CLTA: variants seen among roughly 807,000 people sequenced by gnomAD.
CLTA encodes the protein clathrin, light polypeptide (Lca).
In CLTA, 9 loss-of-function variants were observed where a neutral mutation model predicts 26.9. The ratio of observed to expected loss-of-function variants is 0.33; its 90% CI spans 0.20 to 0.58. CLTA has a LOEUF of 0.58. Among genes scored for constraint, CLTA ranks in the 20% least tolerant of loss-of-function variants. The pLI is 0.85. For missense variants in CLTA, 278 were observed against 294.2 expected, an observed-to-expected ratio of 0.94 and a Z score of 0.40; for synonymous variants, 120 against 115.5, an observed-to-expected ratio of 1.04 and a Z score of -0.25.
intron 3 of CLTA, among the ~76,000 whole-genome samples, chr9:36,199,374 T>C (rs745813736): frequency 6.6e-6 from 1 of 151,948 alleles, no homozygotes; most frequent in Non-Finnish European, 1.5e-5. Context: ...GTGGTGTTTA[T>C]AGAGTGCTTT....
intron 4 of CLTA, among the ~76,000 whole-genome samples, chr9:36,209,798 A>G (rs999022586): frequency 5.3e-5 from 8 of 152,170 alleles, no homozygotes; most frequent in African/African-American, 1.9e-4. Context: ...CATTTTCCAT[A>G]CTTGGTTCAT....
chr9:36,198,868 C>CT, intron 2 of CLTA, 111 bp from the exon 3 acceptor site: 2 of 638,164 alleles, frequency 3.1e-6, no homozygotes, highest in South Asian at 1.7e-5. Context: ...AGTGAAAACT[C>CT]TGTCTCAAAA....
At chr9:36,193,597 T>G (rs754953275) in intron 1 of CLTA, among the ~76,000 whole-genome samples, 4 of 151,554 alleles carry the variant, frequency 2.6e-5, no homozygotes, top group Non-Finnish European at 5.9e-5. Context: ...TACAAGGCCT[T>G]TAGGCTTTGA....
At chr9:36,197,985 A>C (rs1050536880) in intron 2 of CLTA, among the ~76,000 whole-genome samples, 1 of 141,314 alleles carries the variant, frequency 7.1e-6, no homozygotes, top group Non-Finnish European at 1.5e-5. Flanking sequence ...AAAGATTAAC[A>C]TTTATTTGAG....
At chr9:36,198,848 T>C (rs2772223) in intron 2 of CLTA, 131 bp from the exon 3 acceptor site, 419,201 of 541,238 alleles carry the variant, frequency 0.77, 165,783 homozygotes, top group African/African-American at 0.87. Context: ...ACTCCAGCCT[T>C]GGCGACAAGA....
At chr9:36,191,827 G>A (rs1826743802) in intron 1 of CLTA, among the ~76,000 whole-genome samples, 1 of 152,184 alleles carries the variant, frequency 6.6e-6, no homozygotes, top group Non-Finnish European at 1.5e-5. Flanking sequence ...ATCTAGGTCT[G>A]GAGAAAGAAC....
At chr9:36,203,443 A>G (rs1442271266) in intron 3 of CLTA, among the ~76,000 whole-genome samples, 1 of 152,168 alleles carries the variant, frequency 6.6e-6, no homozygotes, top group East Asian at 1.9e-4. Context: ...CTCTAGTGCT[A>G]ATATTCTGTG....
intron 3 of CLTA, 149 bp from the exon 4 acceptor site, chr9:36,203,919 T>A: frequency 9.3e-7 from 1 of 1,080,168 alleles, no homozygotes; most frequent in Non-Finnish European, 1.3e-6. Context: ...AAACAGAAGT[T>A]TATCTTCCCC....
At chr9:36,204,034 AATTGT>A in intron 3 of CLTA, 29 bp from the exon 4 acceptor site, 1 of 1,612,340 alleles carries the variant, frequency 6.2e-7, no homozygotes, top group Non-Finnish European at 8.5e-7. Flanking sequence ...ACTTTGCCTC[AATTGT>A]ATTGTCTTTC....
Position 36,191,273 on chromosome 9 carries a change from GGT to G in CLTA, c.217+2_217+3del. ...GCACGGCGAGCCGCCGGGGGGTCCG[GGT>G]GAGAGTGCGGGCGCGTTTGGGGCGA... On this transcript the variant is annotated splice_donor_variant, in intron 1 of 4. Coordinates refer to ENST00000345519, the MANE Select transcript of CLTA (RefSeq NM_001833.4). LOFTEE classifies it high-confidence loss of function. 1 of 1,517,852 alleles carries G rather than the reference GGT, an allele frequency of 6.6e-7. No homozygotes were observed. The highest frequency in any genetic ancestry group is 8.8e-7 in the Non-Finnish European group (1 of 1,138,902). The allele number at this position is 1,517,852 out of a possible 1,614,324, so 94.0% of individuals were successfully genotyped here.
At chr9:36,192,104 A>T (rs185188582) in intron 1 of CLTA, among the ~76,000 whole-genome samples, 2 of 152,314 alleles carry the variant, frequency 1.3e-5, no homozygotes, top group East Asian at 3.9e-4. Context: ...GAAAAGACCT[A>T]CTTAATAATA....
intron 1 of CLTA, among the ~76,000 whole-genome samples, chr9:36,194,477 A>G (rs1563906309): frequency 1.3e-5 from 2 of 152,242 alleles, no homozygotes; most frequent in African/African-American, 4.8e-5. Context: ...GCTGTATACC[A>G]GGTACACTTT....
intron 2 of CLTA, among the ~76,000 whole-genome samples, chr9:36,198,456 C>T (rs1827183974): frequency 6.6e-6 from 1 of 151,122 alleles, no homozygotes; most frequent in South Asian, 2.1e-4. Flanking sequence ...GTGGGTGGAT[C>T]ATTTGAGGTC....
chr9:36,204,187 C>T lies in CLTA; in HGVS notation c.485+8C>T, dbSNP rs1482571952. ...AACAAAAGCAAACAACAGGTCAGTC[C>T]GTGGTGGTTGTAGCACACTTTGTTT... is the stretch of plus-strand genomic sequence containing the variant. On this transcript the variant is annotated splice_region_variant and intron_variant, in intron 4 of 4. Coordinates refer to ENST00000345519, the MANE Select transcript of CLTA (RefSeq NM_001833.4). 6 of 1,610,598 alleles carry T rather than the reference C, an allele frequency of 3.7e-6. No individual in the cohort carries two copies. In the South Asian group the frequency reaches 4.4e-5, roughly 12 times the overall value.
Position 36,191,214 on chromosome 9 carries a change from C to T in CLTA, c.158C>T (p.Ala53Val). 6.4e-7 allele frequency: 1 copy of T among 1,558,316 alleles called. No homozygotes were observed. Residue 53 changes from alanine to valine, a missense_variant, in exon 1 of 5, where the codon GCC (alanine) becomes GTC (valine). Coordinates refer to ENST00000345519, the MANE Select transcript of CLTA (RefSeq NM_001833.4). ...IAGIENDEAF[A>V]ILDGGAPGPQ... ...GGCATCGAGAACGACGAGGCCTTCG[C>T]CATCCTGGACGGCGGCGCCCCCGGG... is the stretch of plus-strand genomic sequence containing the variant.
At chr9:36,199,630 A>G (rs928959504) in intron 3 of CLTA, among the ~76,000 whole-genome samples, 4 of 144,424 alleles carry the variant, frequency 2.8e-5, no homozygotes, top group African/African-American at 1.1e-4. Context: ...TTTTTTTTGT[A>G]TTTTTAGTAG....
intron 3 of CLTA, among the ~76,000 whole-genome samples, chr9:36,199,520 G>A (rs1827276425): frequency 1.3e-5 from 2 of 151,052 alleles, no homozygotes; most frequent in African/African-American, 4.9e-5. Context: ...TGCGATCTCG[G>A]CTCATTGCAA....
At chr9:36,200,324 T>C (rs908966832) in intron 3 of CLTA, among the ~76,000 whole-genome samples, 2 of 152,236 alleles carry the variant, frequency 1.3e-5, no homozygotes, top group African/African-American at 2.4e-5. Context: ...ATAAATGATA[T>C]GTTTTAGACA....
intron 1 of CLTA, among the ~76,000 whole-genome samples, chr9:36,192,227 C>T (rs566636755): frequency 4.7e-4 from 72 of 152,252 alleles, no homozygotes; most frequent in African/African-American, 1.7e-3. Context: ...GTAGTGTCTA[C>T]CCTAAATTCA....
Sources: gnomAD v4.1 joint callset for allele counts (sites outside exome capture counted in the v4.1 genomes callset) on GRCh38, gnomAD v4.1.1 for gene constraint, MANE v1.5 for transcripts, NCBI Gene and HGNC (gene_info 2026-07-23, HGNC 2026-07-21) for gene names.